CSMD1: variants seen among roughly 807,000 people sequenced by gnomAD.
CSMD1 encodes CUB and sushi domain-containing protein 1.
In CSMD1, 213 loss-of-function variants were observed where a neutral mutation model predicts 417.5. That is an observed-to-expected ratio of 0.51 (90% CI 0.46 to 0.57). CSMD1 has a LOEUF of 0.57. Among genes scored for constraint, CSMD1 ranks in the 20% least tolerant of loss-of-function variants. The pLI is 0.00. For synonymous variants in CSMD1, 2,862 were observed against 1,736.8 expected (o/e 1.65, Z -16.11); for missense variants, 6,923 against 4,529.7 (o/e 1.53, Z -15.17).
At chr8:4,581,891 C>T (rs377750170) in intron 2 of CSMD1, among the ~76,000 whole-genome samples, 3 of 152,168 alleles carry the variant, frequency 2.0e-5, no homozygotes, top group African/African-American at 7.2e-5. Flanking sequence ...TGTGAATTGT[C>T]CCCTACATCC....
At chr8:3,433,650 G>A (rs566256008) in intron 12 of CSMD1, among the ~76,000 whole-genome samples, 8 of 152,250 alleles carry the variant, frequency 5.3e-5, no homozygotes, top group East Asian at 3.9e-4. Context: ...GCCATTTAGC[G>A]CCCAACATTG....
intron 26 of CSMD1, among the ~76,000 whole-genome samples, chr8:3,275,717 G>T (rs533772454): frequency 9.9e-5 from 15 of 152,122 alleles, no homozygotes; most frequent in South Asian, 8.3e-4. Context: ...CCAGTTGATC[G>T]CATCGGCTCC....
At chr8:3,341,729 G>T (rs973433083) in intron 23 of CSMD1, among the ~76,000 whole-genome samples, 7 of 152,182 alleles carry the variant, frequency 4.6e-5, no homozygotes, top group South Asian at 2.1e-4. Flanking sequence ...AGAACTGGAA[G>T]AACGCCGTAG....
At chr8:3,861,259 T>C (rs1490099100) in intron 5 of CSMD1, among the ~76,000 whole-genome samples, 1 of 152,220 alleles carries the variant, frequency 6.6e-6, no homozygotes, top group Non-Finnish European at 1.5e-5. Context: ...CAACGTACTA[T>C]GTACCTGCAC....
intron 3 of CSMD1, among the ~76,000 whole-genome samples, chr8:4,296,719 C>A (rs1797707335): frequency 9.4e-6 from 1 of 106,598 alleles, no homozygotes; most frequent in Non-Finnish European, 1.9e-5. Flanking sequence ...TTTTTTTCTC[C>A]AGGGCTTACA....
intron 1 of CSMD1, among the ~76,000 whole-genome samples, chr8:4,872,292 G>A (rs114807617): frequency 1.3e-5 from 2 of 152,022 alleles, no homozygotes; most frequent in African/African-American, 2.4e-5. Context: ...GTTAGGCTTT[G>A]TGTCCCCACC....
At chr8:4,073,378 G>T (rs1041115809) in intron 3 of CSMD1, among the ~76,000 whole-genome samples, 1 of 152,100 alleles carries the variant, frequency 6.6e-6, no homozygotes, top group East Asian at 1.9e-4. Context: ...CGTACTTAAT[G>T]AAGCTAAAAA....
At chr8:4,534,240 G>T (rs1473881750) in intron 2 of CSMD1, among the ~76,000 whole-genome samples, 4 of 152,130 alleles carry the variant, frequency 2.6e-5, no homozygotes, top group East Asian at 1.9e-4. Context: ...TTCTGCGTGG[G>T]CCTGGCCCCA....
chr8:4,360,038 T>G (rs1242603300), intron 3 of CSMD1, among the ~76,000 whole-genome samples: 1 of 152,204 alleles, frequency 6.6e-6, no homozygotes, highest in African/African-American at 2.4e-5. Flanking sequence ...TGTCCCCATC[T>G]GAGCATACAG....
chr8:4,246,093 T>A (rs1432147135), intron 3 of CSMD1, among the ~76,000 whole-genome samples: 1 of 152,132 alleles, frequency 6.6e-6, no homozygotes, highest in African/African-American at 2.4e-5. Context: ...ACTTATGTCA[T>A]GGGAGTTTGT....
intron 5 of CSMD1, among the ~76,000 whole-genome samples, chr8:3,849,528 T>C (rs1803740749): frequency 6.6e-6 from 1 of 152,192 alleles, no homozygotes; most frequent in Non-Finnish European, 1.5e-5. Flanking sequence ...ACGGTTAGAA[T>C]GACGACTTCA....
At chr8:4,555,180 G>A (rs892311176) in intron 2 of CSMD1, among the ~76,000 whole-genome samples, 1 of 152,212 alleles carries the variant, frequency 6.6e-6, no homozygotes, top group Non-Finnish European at 1.5e-5. Flanking sequence ...TCTGACTTCA[G>A]ATGGCAGATT....
intron 1 of CSMD1, among the ~76,000 whole-genome samples, chr8:4,962,067 ATTTTC>A (rs966504573): frequency 5.5e-5 from 8 of 144,160 alleles, no homozygotes; most frequent in South Asian, 4.3e-4. Flanking sequence ...CATTATATCT[ATTTTC>A]TTTAAGTTTT....
intron 1 of CSMD1, among the ~76,000 whole-genome samples, chr8:4,714,463 C>T (rs77970043): frequency 0.031 from 4,770 of 152,244 alleles, 243 homozygotes; most frequent in African/African-American, 0.11. Flanking sequence ...AATACATAAG[C>T]GCTTTCATAT....
intron 3 of CSMD1, among the ~76,000 whole-genome samples, chr8:4,148,860 C>A (rs1796422537): frequency 6.6e-6 from 1 of 152,194 alleles, no homozygotes. Context: ...GGAAAGATGG[C>A]ACATGGTCGA....
At chr8:4,344,139 C>T (rs936907951) in intron 3 of CSMD1, among the ~76,000 whole-genome samples, 1 of 152,092 alleles carries the variant, frequency 6.6e-6, no homozygotes. Flanking sequence ...TGATCATTAG[C>T]AACTGAGAAA....
Position 3,108,747 on chromosome 8 carries a change from C to A in CSMD1, c.6610G>T (p.Asp2204Tyr), listed in dbSNP as rs1816313566. The change falls in exon 44 of 70, where the codon GAC (aspartate) becomes TAC (tyrosine). Residue 2204 changes from aspartate (D) to tyrosine (Y), a missense_variant and splice_region_variant. Transcript: ENST00000635120. ...TGGGGTGAGTTCTGATCGGGACCGTCCCTAGGAAAGACAGAAAGAGGTGGC... is the reference window on the plus strand; with the variant it reads ...TGGGGTGAGTTCTGATCGGGACCGTACCTAGGAAAGACAGAAAGAGGTGGC... ...EAVNDYIAVW[D>Y]GPDQNSPQLG... 6.2e-7 allele frequency: 1 copy of A among 1,608,542 alleles called. No individual in the cohort carries two copies. The highest frequency in any genetic ancestry group is 8.5e-7 in the Non-Finnish European group (1 of 1,177,118).
chr8:3,930,074 G>T (rs1315272453), intron 5 of CSMD1, among the ~76,000 whole-genome samples: 1 of 150,334 alleles, frequency 6.7e-6, no homozygotes, highest in Non-Finnish European at 1.5e-5. Flanking sequence ...ACCTAGGCAT[G>T]TTTTTCTTCC....
intron 7 of CSMD1, among the ~76,000 whole-genome samples, chr8:3,649,845 G>C (rs1021893099): frequency 7.9e-5 from 12 of 152,172 alleles, no homozygotes; most frequent in South Asian, 2.1e-4. Flanking sequence ...TACCTTGCTA[G>C]ATGTTTTCTC....
Sources: allele counts gnomAD v4.1 joint callset (sites outside exome capture counted in the v4.1 genomes callset), GRCh38; gene constraint gnomAD v4.1.1; transcripts MANE v1.5; gene names NCBI Gene and HGNC (gene_info 2026-07-23, HGNC 2026-07-21).